The following SHCBP1L variants were observed in gnomAD, a reference collection of about 807,000 sequenced individuals.
SHCBP1L encodes testicular spindle-associated protein SHCBP1L.
In SHCBP1L, 67 loss-of-function variants were observed where a neutral mutation model predicts 62.5. The observed-to-expected ratio is 1.07, with a 90% CI of 0.88 to 1.31. SHCBP1L has a LOEUF of 1.31. Among genes scored for constraint, SHCBP1L ranks in the 40% most tolerant of loss-of-function variants. SHCBP1L has a pLI of 0.00. For missense variants in SHCBP1L, 823 were observed against 809.8 expected (o/e 1.02, Z -0.20); for synonymous variants, 284 against 289.4 (o/e 0.98, Z 0.19).
intron 6 of SHCBP1L, among the ~76,000 whole-genome samples, chr1:182,921,495 C>CAAAT (rs1384124372): frequency 6.6e-6 from 1 of 152,140 alleles, no homozygotes; most frequent in African/African-American, 2.4e-5. Context: ...TTGACAGGAT[C>CAAAT]AAATCTGCAC....
Position 182,900,163 on chromosome 1 carries a change from A to G in SHCBP1L, c.1782T>C (p.Ile594=). ...IYSNKGYGVS[I]LQPMEQFFIV... is the part of the protein sequence containing the mutation. ...TAAAAAACTGTTCCATTGGTTGAAG[A>G]ATGCTTACTCCATAGCCTTTGTTGC... Residue 594 remains isoleucine (I), a synonymous_variant, in exon 10 of 10, where the codon ATT becomes ATC. Transcript: ENST00000367547. 6.2e-7 allele frequency: 1 copy of G among 1,612,460 alleles called. No individual in the cohort carries two copies. The highest frequency in any genetic ancestry group is 8.5e-7 in the Non-Finnish European group (1 of 1,179,160).
intron 6 of SHCBP1L, among the ~76,000 whole-genome samples, chr1:182,907,577 ATTATTG>A (rs1022737412): frequency 2.7e-5 from 4 of 150,578 alleles, no homozygotes; most frequent in Non-Finnish European, 5.9e-5. Flanking sequence ...TATTATTATT[ATTATTG>A]TTATTATTAT....
intron 5 of SHCBP1L, among the ~76,000 whole-genome samples, chr1:182,936,602 G>A (rs765788661): frequency 8.6e-5 from 13 of 151,950 alleles, no homozygotes; most frequent in Non-Finnish European, 1.5e-4. Flanking sequence ...TACTTCACAT[G>A]TCATGCAGAT....
intron 6 of SHCBP1L, among the ~76,000 whole-genome samples, chr1:182,923,938 G>C (rs1402167704): frequency 1.3e-5 from 2 of 152,184 alleles, no homozygotes; most frequent in Non-Finnish European, 2.9e-5. Flanking sequence ...AAGAGGGGAA[G>C]TCAAATTATC....
At chr1:182,946,755 T>C (rs1240412592) in intron 2 of SHCBP1L, among the ~76,000 whole-genome samples, 1 of 152,252 alleles carries the variant, frequency 6.6e-6, no homozygotes, top group East Asian at 1.9e-4. Context: ...GTCCAACATG[T>C]TCCTGAGGTT....
chr1:182,920,588 A>G (rs1200748318), intron 6 of SHCBP1L, among the ~76,000 whole-genome samples: 2 of 152,208 alleles, frequency 1.3e-5, no homozygotes, highest in African/African-American at 4.8e-5. Context: ...GACAGACAGA[A>G]TACAGAATCT....
chr1:182,901,900 T>C (rs1260623321), intron 9 of SHCBP1L, among the ~76,000 whole-genome samples: 2 of 152,034 alleles, frequency 1.3e-5, no homozygotes, highest in Non-Finnish European at 2.9e-5. Flanking sequence ...GAAAGCAGAG[T>C]GGGCCTCTGC....
chr1:182,908,676 T>C (rs146118230), intron 6 of SHCBP1L, among the ~76,000 whole-genome samples: 2 of 152,344 alleles, frequency 1.3e-5, no homozygotes, highest in African/African-American at 4.8e-5. Context: ...TTTTCAACAT[T>C]ATGAAAATAC....
chr1:182,924,972 A>AAGAAAGAAAG (rs1401940233), intron 6 of SHCBP1L, among the ~76,000 whole-genome samples: 8 of 140,552 alleles, frequency 5.7e-5, no homozygotes, highest in Non-Finnish European at 7.7e-5. Flanking sequence ...GAAAGAAAGA[A>AAGAAAGAAAG]AGAAAAAAAA....
At chr1:182,920,857 CA>C (rs1421440087) in intron 6 of SHCBP1L, among the ~76,000 whole-genome samples, 1 of 152,098 alleles carries the variant, frequency 6.6e-6, no homozygotes, top group Non-Finnish European at 1.5e-5. Flanking sequence ...AAAGAATGAA[CA>C]AAACCTCTGA....
chr1:182,931,755 A>G (rs532997502), intron 5 of SHCBP1L, among the ~76,000 whole-genome samples: 7 of 152,212 alleles, frequency 4.6e-5, no homozygotes, highest in Non-Finnish European at 7.4e-5. Context: ...CGATGAACCT[A>G]TATTGACACA....
chr1:182,905,703 T>C (rs1649991421), intron 6 of SHCBP1L, 54 bp from the exon 7 acceptor site: 3 of 1,541,554 alleles, frequency 1.9e-6, no homozygotes, highest in Admixed American at 1.9e-5. Flanking sequence ...CTGAAACATG[T>C]CATTTTAATC....
chr1:182,952,209 TATATATATATATATATATATATATATAC>T (rs1265539538), intron 1 of SHCBP1L, among the ~76,000 whole-genome samples: 8 of 47,410 alleles, frequency 1.7e-4, no homozygotes, highest in East Asian at 9.4e-4. Flanking sequence ...TATATATATA[TATATATATATATATATATATATATATAC>T]ACACACACAC....
intron 6 of SHCBP1L, among the ~76,000 whole-genome samples, chr1:182,916,889 G>A (rs1468618367): frequency 1.3e-5 from 2 of 152,152 alleles, no homozygotes; most frequent in Non-Finnish European, 2.9e-5. Flanking sequence ...GTGTCTACTT[G>A]AAGGTAGAGG....
chr1:182,952,569 G>A, intron 1 of SHCBP1L, 160 bp downstream of exon 1: 1 of 842,582 alleles, frequency 1.2e-6, no homozygotes, highest in Non-Finnish European at 1.7e-6. Flanking sequence ...CCTCTAACAA[G>A]GTGAACGCTC....
chr1:182,913,952 G>A (rs530921324), intron 6 of SHCBP1L, among the ~76,000 whole-genome samples: 11 of 152,300 alleles, frequency 7.2e-5, no homozygotes, highest in African/African-American at 2.4e-4. Context: ...TTGCACTCCA[G>A]CCTGGGCAAC....
At chr1:182,910,956 C>T (rs1650165170) in intron 6 of SHCBP1L, among the ~76,000 whole-genome samples, 1 of 152,014 alleles carries the variant, frequency 6.6e-6, no homozygotes, top group Non-Finnish European at 1.5e-5. Flanking sequence ...GTGGGACAAT[C>T]TTGGCTCACT....
intron 6 of SHCBP1L, among the ~76,000 whole-genome samples, chr1:182,927,050 C>CTATATATATATATATA (rs58308065): frequency 1.1e-5 from 1 of 90,572 alleles, no homozygotes; most frequent in Non-Finnish European, 2.2e-5. Context: ...TTAACTAGCA[C>CTATATATATATATATA]TATATATATA....
Position 182,903,096 on chromosome 1 carries a change from A to G in SHCBP1L, c.1653T>C (p.Cys551=), listed in dbSNP as rs1232514147. The change falls in exon 9 of 10, where the codon TGT becomes TGC. Residue 551 remains cysteine (C), a synonymous_variant. Transcript: ENST00000367547. ...AILERNEIHH[C]NNLRTSNSSK... ...AACTGTTACTGGTTCTGAGGTTATT[A>G]CAGTGATGAATTTCATTTCTTTCCA... The G allele has an allele frequency of 1.2e-6, 2 of 1,601,874 alleles. No homozygotes were observed. Among genetic ancestry groups the G allele is most frequent in the Admixed American group, 1.7e-5 (1 of 58,612 alleles).
Sources: gnomAD v4.1 joint callset for allele counts (sites outside exome capture counted in the v4.1 genomes callset) on GRCh38, gnomAD v4.1.1 for gene constraint, MANE v1.5 for transcripts, NCBI Gene and HGNC (gene_info 2026-07-23, HGNC 2026-07-21) for gene names.